The following STARD13 variants were observed in gnomAD, a reference collection of about 807,000 sequenced individuals.
The protein encoded by STARD13 is StAR related lipid transfer domain containing 13, also known as stAR-related lipid transfer protein 13.
STARD13 carries 62 observed loss-of-function variants against 106.4 expected under a neutral mutation model. The ratio of observed to expected loss-of-function variants is 0.58; its 90% CI spans 0.48 to 0.72. The LOEUF (loss-of-function observed/expected upper bound fraction) is 0.72, where lower values mean the gene tolerates loss of function less well. Among genes scored for constraint, STARD13 ranks in the 30% least tolerant of loss-of-function variants. The pLI, the probability that STARD13 is intolerant of heterozygous loss-of-function variation, is 0.00. For missense variants in STARD13, 1,387 were observed against 1,424.0 expected (o/e 0.97, Z 0.42); for synonymous variants, 565 against 553.0 (o/e 1.02, Z -0.31).
the STARD13 span, among the ~76,000 whole-genome samples, chr13:33,420,819 C>T: frequency 0.16 from 23,760 of 152,006 alleles, 4,440 homozygotes; most frequent in African/African-American, 0.44. Flanking sequence ...ACTGCACAAC[C>T]ACATGGAAAC....
chr13:33,621,110 G>A, the STARD13 span, among the ~76,000 whole-genome samples: 1 of 151,590 alleles, frequency 6.6e-6, no homozygotes, highest in African/African-American at 2.4e-5. Flanking sequence ...GTAGAAGAGT[G>A]AAAATTAAAA....
chr13:33,175,226 C>G (rs533618877), intron 1 of STARD13, among the ~76,000 whole-genome samples: 16 of 152,134 alleles, frequency 1.1e-4, no homozygotes, highest in African/African-American at 3.6e-4. Flanking sequence ...TTGTTCCAAT[C>G]AGGCGCTTGT....
chr13:33,446,751 G>A, the STARD13 span, among the ~76,000 whole-genome samples: 39 of 152,232 alleles, frequency 2.6e-4, no homozygotes, highest in South Asian at 3.3e-3. Flanking sequence ...GCAAAAACAC[G>A]AGTCTTTACT....
chr13:33,378,191 A>C, the STARD13 span, among the ~76,000 whole-genome samples: 5 of 152,174 alleles, frequency 3.3e-5, no homozygotes, highest in African/African-American at 1.2e-4. Flanking sequence ...CAAAGCAAGC[A>C]AGCCCTGAAG....
chr13:33,273,885 T>C (rs1011628513), intron 1 of STARD13: 5 of 151,938 alleles, frequency 3.3e-5, no homozygotes, highest in Non-Finnish European at 5.9e-5. Context: ...TTTGAGAGAG[T>C]TGAAATTTTT....
chr13:33,525,993 A>G, the STARD13 span, among the ~76,000 whole-genome samples: 4 of 152,296 alleles, frequency 2.6e-5, no homozygotes, highest in East Asian at 7.7e-4. Context: ...ACACAGGAGC[A>G]TGCCAAGTCT....
chr13:33,653,964 C>CA, the STARD13 span, among the ~76,000 whole-genome samples: 6 of 152,128 alleles, frequency 3.9e-5, no homozygotes, highest in African/African-American at 1.2e-4. Flanking sequence ...ACATGCAAAT[C>CA]AAAACCACAA....
intron 1 of STARD13, among the ~76,000 whole-genome samples, chr13:33,212,778 C>G (rs17078785): frequency 0.013 from 1,951 of 152,324 alleles, 54 homozygotes; most frequent in African/African-American, 0.045. Flanking sequence ...CAGAATTTTA[C>G]ATTCCTAAAC....
At chr13:33,550,941 C>T in the STARD13 span, among the ~76,000 whole-genome samples, 1 of 152,236 alleles carries the variant, frequency 6.6e-6, no homozygotes, top group East Asian at 1.9e-4. Flanking sequence ...ACTTATACCA[C>T]CATCCAGTTT....
At chr13:33,586,668 T>C in the STARD13 span, among the ~76,000 whole-genome samples, 1 of 152,144 alleles carries the variant, frequency 6.6e-6, no homozygotes, top group East Asian at 1.9e-4. Flanking sequence ...ATCTGATCTT[T>C]TCCTGTCTTG....
chr13:33,532,466 T>A, the STARD13 span, among the ~76,000 whole-genome samples: 1 of 152,214 alleles, frequency 6.6e-6, no homozygotes, highest in African/African-American at 2.4e-5. Flanking sequence ...ATGTAACTTC[T>A]AATCTTTTTT....
At chr13:33,653,801 A>G in the STARD13 span, among the ~76,000 whole-genome samples, 42 of 152,324 alleles carry the variant, frequency 2.8e-4, no homozygotes, top group Middle Eastern at 6.8e-3. Context: ...TAACATCCAG[A>G]ATATACAAAG....
chr13:33,455,905 C>T, the STARD13 span, among the ~76,000 whole-genome samples: 7 of 151,998 alleles, frequency 4.6e-5, no homozygotes, highest in Admixed American at 3.9e-4. Context: ...GATCGCACCA[C>T]GGCACTCCAG....
chr13:33,587,206 ACT>A, the STARD13 span, among the ~76,000 whole-genome samples: 9 of 140,218 alleles, frequency 6.4e-5, no homozygotes, highest in African/African-American at 2.2e-4. Flanking sequence ...ACAGAGCGAG[ACT>A]CTGTCTCAAA....
the STARD13 span, among the ~76,000 whole-genome samples, chr13:33,522,028 A>G: frequency 6.6e-6 from 1 of 152,150 alleles, no homozygotes; most frequent in Non-Finnish European, 1.5e-5. Context: ...ATCAATAAAT[A>G]TCTAATAAAT....
At chr13:33,270,159 C>A (rs1007377402) in intron 1 of STARD13, among the ~76,000 whole-genome samples, 27 of 152,148 alleles carry the variant, frequency 1.8e-4, no homozygotes, top group Non-Finnish European at 3.5e-4. Context: ...TTGCTTGAAC[C>A]TGGGAGGCAG....
intron 1 of STARD13, chr13:33,185,904 C>T (rs750014979): frequency 5.0e-6 from 8 of 1,614,122 alleles, no homozygotes; most frequent in South Asian, 4.4e-5. Context: ...GTGGTTCACT[C>T]TGCTTTTCTG....
At chr13:33,329,139 T>C (rs1242932816) in intron 1 of STARD13, among the ~76,000 whole-genome samples, 1 of 152,230 alleles carries the variant, frequency 6.6e-6, no homozygotes, top group East Asian at 1.9e-4. Context: ...AACTTATACA[T>C]AATCAAATAA....
the STARD13 span, among the ~76,000 whole-genome samples, chr13:33,427,801 C>T: frequency 6.6e-6 from 1 of 151,892 alleles, no homozygotes; most frequent in Admixed American, 6.6e-5. Flanking sequence ...ACTAAAAATA[C>T]AAAATTAGCC....
Sources: gnomAD v4.1 joint callset for allele counts (sites outside exome capture counted in the v4.1 genomes callset) on GRCh38, gnomAD v4.1.1 for gene constraint, MANE v1.5 for transcripts, NCBI Gene and HGNC (gene_info 2026-07-23, HGNC 2026-07-21) for gene names.